Variants in IGIP observed in about 807,000 individuals in gnomAD.
The protein encoded by IGIP is IgA inducing protein, also known as IgA-inducing protein homolog.
In IGIP, 1 loss-of-function variant was observed where a neutral mutation model predicts 3.2. That is an observed-to-expected ratio of 0.32 (90% CI 0.11 to 1.50). IGIP has a LOEUF of 1.50. IGIP is among the 40% of genes most tolerant of loss of function. The pLI is 0.39. For missense variants in IGIP, 64 were observed against 69.0 expected, an observed-to-expected ratio of 0.93 and a Z score of 0.26; for synonymous variants, 20 against 22.7, an observed-to-expected ratio of 0.88 and a Z score of 0.34.
Position 140,126,005 on chromosome 5 carries a change from TTAAGTC to T in IGIP, c.-2468_-2463del, listed in dbSNP as rs1763209316. 1 of 167,060 alleles carries T rather than the reference TTAAGTC, an allele frequency of 6.0e-6. No individual in the cohort carries two copies. Among genetic ancestry groups the T allele is most frequent in the Non-Finnish European group, 1.5e-5 (1 of 68,112 alleles). The allele number at this position is 167,060 out of a possible 1,614,324, so 10.3% of individuals were successfully genotyped here. ...TTAAAAAAAATTGAGAAGCAGCACT[TTAAGTC>T]TAACTCTACACCATTTTATTGCATG... On this transcript the variant is annotated 5_prime_UTR_variant, in exon 1 of 1. Coordinates refer to ENST00000333305, the MANE Select transcript of IGIP (RefSeq NM_001007189.2).
Position 140,128,680 on chromosome 5 carries a change from A to T in IGIP, c.*42A>T. 1 of 1,519,934 alleles carries T rather than the reference A, an allele frequency of 6.6e-7. No individual in the cohort carries two copies. Among genetic ancestry groups the T allele is most frequent in the Non-Finnish European group, 9.0e-7 (1 of 1,114,142 alleles). The allele number at this position is 1,519,934 out of a possible 1,614,324, so 94.2% of individuals were successfully genotyped here. A position where few individuals can be genotyped will look rare whatever the true frequency, so the allele number is the denominator to read the frequency against. On this transcript the variant is annotated 3_prime_UTR_variant, in exon 1 of 1. Transcript: ENST00000333305. ...CTGTACTGCTTATTGAAGTATTGTG[A>T]TTATTTTAGGCATTGATTCTTACAA...
At position 140,129,256 on chromosome 5, in the gene IGIP, C is replaced by T. The variant is rs969893457; in HGVS notation, c.*618C>T. On this transcript the variant is annotated 3_prime_UTR_variant, in exon 1 of 1. Transcript: ENST00000333305. The stretch of plus-strand genomic sequence containing the variant: ...ATGGGGTACATGTAACATTTTGAAA[C>T]AAGCGTACAATGTACTGATTAAATC... The T allele has an allele frequency of 2.0e-5, 3 of 152,166 alleles. No individual in the cohort carries two copies. Among genetic ancestry groups the T allele is most frequent in the African/African-American group, 7.2e-5 (3 of 41,430 alleles). The allele number at this position is 152,166 out of a possible 1,614,324, so 9.4% of individuals were successfully genotyped here. A position where few individuals can be genotyped will look rare whatever the true frequency, so the allele number is the denominator to read the frequency against.
rs964041769 is a variant in IGIP, at chr5:140,126,282, T to C, written c.-2195T>C. 6.0e-6 allele frequency: 1 copy of C among 167,074 alleles called. No individual in the cohort carries two copies. Among genetic ancestry groups the C allele is most frequent in the Non-Finnish European group, 1.5e-5 (1 of 68,106 alleles). The allele number at this position is 167,074 out of a possible 1,614,324, so 10.3% of individuals were successfully genotyped here. A position where few individuals can be genotyped will look rare whatever the true frequency, so the allele number is the denominator to read the frequency against. The stretch of plus-strand genomic sequence containing the variant: ...TATATAGAAGTCATAGCATTCTGTA[T>C]AGGACCAAAAAGGAAATAACATTAA... On this transcript the variant is annotated 5_prime_UTR_variant, in exon 1 of 1. Coordinates refer to ENST00000333305, the MANE Select transcript of IGIP (RefSeq NM_001007189.2).
rs956850238 is a variant in IGIP at position 140,128,258 on chromosome 5, T to C, written c.-219T>C. On this transcript the variant is annotated 5_prime_UTR_variant, in exon 1 of 1. Transcript: ENST00000333305. Reference sequence around the variant, plus strand: ...CTTTAATATCTTTCCAAAATGACTTTGGTTAAATGGACCAGATGTATATTA... The same window carrying C: ...CTTTAATATCTTTCCAAAATGACTTCGGTTAAATGGACCAGATGTATATTA... 15 of 389,566 alleles carry C rather than the reference T, an allele frequency of 3.9e-5. No individual in the cohort carries two copies. Among genetic ancestry groups the C allele is most frequent in the Non-Finnish European group, 7.1e-5 (15 of 211,658 alleles). The allele number at this position is 389,566 out of a possible 1,614,324, so 24.1% of individuals were successfully genotyped here. A position where few individuals can be genotyped will look rare whatever the true frequency, so the allele number is the denominator to read the frequency against.
rs2126754695 is a variant in IGIP, at chr5:140,127,575, C to T, written c.-902C>T. 6.0e-6 allele frequency: 1 copy of T among 167,122 alleles called. No individual in the cohort carries two copies. The highest frequency in any genetic ancestry group is 1.5e-5 in the Non-Finnish European group (1 of 68,100). 10.4% of individuals were successfully genotyped at this position (167,122 alleles called of 1,614,324 possible). A position where few individuals can be genotyped will look rare whatever the true frequency, so the allele number is the denominator to read the frequency against. ...ATTTTCAATGGTTGTGATAGAATTT[C>T]CCCCAGTAGCCATTATTTTAAGATT... On this transcript the variant is annotated 5_prime_UTR_variant, in exon 1 of 1. Transcript: ENST00000333305.
In IGIP at chr5:140,126,556, A is replaced by G. The variant is rs745991067; in HGVS notation, c.-1921A>G. On this transcript the variant is annotated 5_prime_UTR_variant, in exon 1 of 1. An upstream start codon of the reference 5' UTR is lost. Coordinates refer to ENST00000333305, the MANE Select transcript of IGIP (RefSeq NM_001007189.2). ...AATAAGTAAACCAATCACTTGCAAC[A>G]TGAAAAACTGTCCAACTCCTCTAAG... 2 of 167,088 alleles carry G rather than the reference A, an allele frequency of 1.2e-5. No individual in the cohort carries two copies. The highest frequency in any genetic ancestry group is 2.4e-5 in the African/African-American group (1 of 41,454). The allele number at this position is 167,088 out of a possible 1,614,324, so 10.4% of individuals were successfully genotyped here.
chr5:140,128,481 G>A lies in IGIP; in HGVS notation c.5G>A (p.Cys2Tyr), dbSNP rs1763237175. The A allele has an allele frequency of 1.9e-6, 3 of 1,580,228 alleles. No individual in the cohort carries two copies. Among genetic ancestry groups the A allele is most frequent in the Non-Finnish European group, 8.6e-7 (1 of 1,167,788 alleles). M[C>Y]SYYHMKKRSV... ...TTTGAGCATTCTGTATTAAATATGT[G>A]CAGTTATTATCACATGAAGAAACGC... Residue 2 changes from cysteine (C) to tyrosine (Y), a missense_variant, in exon 1 of 1, where the codon TGC (cysteine) becomes TAC (tyrosine). By Grantham distance (194) the Cys-to-Tyr change is radical. Coordinates refer to ENST00000333305, the MANE Select transcript of IGIP (RefSeq NM_001007189.2).
rs1763210780 is a variant in IGIP, at chr5:140,126,196, T to C, written c.-2281T>C. The stretch of plus-strand genomic sequence containing the variant: ...TGGGAAGATTAACCATGTATTGAAC[T>C]ACTGAAAAGTATATATTTTTAGATA... On this transcript the variant is annotated 5_prime_UTR_variant, in exon 1 of 1. Transcript: ENST00000333305. 1 of 167,060 alleles carries C rather than the reference T, an allele frequency of 6.0e-6. No individual in the cohort carries two copies. Among genetic ancestry groups the C allele is most frequent in the Admixed American group, 6.5e-5 (1 of 15,284 alleles). 10.3% of individuals were successfully genotyped at this position (167,060 alleles called of 1,614,324 possible).
In IGIP at chr5:140,126,328, G is replaced by A. The variant is rs1269347901; in HGVS notation, c.-2149G>A. The A allele has an allele frequency of 6.0e-6, 1 of 167,074 alleles. No individual in the cohort carries two copies. Among genetic ancestry groups the A allele is most frequent in the African/African-American group, 2.4e-5 (1 of 41,438 alleles). 10.3% of individuals were successfully genotyped at this position (167,074 alleles called of 1,614,324 possible). ...ATTAAACACTTAAACAGACGTTGTT[G>A]GGTAGAAATACCTTTAGATCTTGCA... On this transcript the variant is annotated 5_prime_UTR_variant, in exon 1 of 1. Coordinates refer to ENST00000333305, the MANE Select transcript of IGIP (RefSeq NM_001007189.2).
chr5:140,128,567 A>G lies in IGIP; in HGVS notation c.91A>G (p.Lys31Glu), dbSNP rs199527880. Residue 31 changes from lysine (K) to glutamate (E), a missense_variant, in exon 1 of 1, where the codon AAA becomes GAA. By Grantham distance (56) the Lys-to-Glu change is moderately conservative. Transcript: ENST00000333305. ...AVMFSHLSAG[K>E]SPCGNQANVL... ...CATGTTCTCCCATCTCAGTGCTGGG[A>G]AATCACCATGTGGAAACCAAGCAAA... 5.9e-5 allele frequency: 95 copies of G among 1,611,248 alleles called. 1 individual carries two copies. The highest frequency in any genetic ancestry group is 7.8e-5 in the Non-Finnish European group (92 of 1,179,260).
chr5:140,128,653 T>C lies in IGIP; in HGVS notation c.*15T>C. On this transcript the variant is annotated 3_prime_UTR_variant, in exon 1 of 1. Transcript: ENST00000333305. ...ATCAAAGCTGAAAACTAGCGAGGTC[T>C]GCTGTACTGCTTATTGAAGTATTGT... 1 of 1,598,720 alleles carries C rather than the reference T, an allele frequency of 6.3e-7. No homozygotes were observed. The highest frequency in any genetic ancestry group is 8.5e-7 in the Non-Finnish European group (1 of 1,172,470).
rs1253224708 is a variant in IGIP at position 140,128,467 on chromosome 5, T to G, written c.-10T>G. ...ATTTAAAAAGTAAATTTGAGCATTCTGTATTAAATATGTGCAGTTATTATC... is the reference window on the plus strand; with the variant it reads ...ATTTAAAAAGTAAATTTGAGCATTCGGTATTAAATATGTGCAGTTATTATC... On this transcript the variant is annotated 5_prime_UTR_variant, in exon 1 of 1. Transcript: ENST00000333305. 6.5e-7 allele frequency: 1 copy of G among 1,543,166 alleles called. No homozygotes were observed. Among genetic ancestry groups the G allele is most frequent in the Non-Finnish European group, 8.7e-7 (1 of 1,149,280 alleles).
chr5:140,126,898 T>G lies in IGIP; in HGVS notation c.-1579T>G, dbSNP rs1238104535. 1 of 167,064 alleles carries G rather than the reference T, an allele frequency of 6.0e-6. No homozygotes were observed. The highest frequency in any genetic ancestry group is 1.5e-5 in the Non-Finnish European group (1 of 68,132). The allele number at this position is 167,064 out of a possible 1,614,324, so 10.3% of individuals were successfully genotyped here. On this transcript the variant is annotated 5_prime_UTR_variant, in exon 1 of 1. Transcript: ENST00000333305. ...CCAGATTCAAGAATTGTATCTGCTT[T>G]CTTGGCAGTCGTCACTGAACTAATG...
chr5:140,128,421 A>T lies in IGIP; in HGVS notation c.-56A>T, dbSNP rs1387605297. The T allele has an allele frequency of 6.9e-7, 1 of 1,442,258 alleles. No homozygotes were observed. The highest frequency in any genetic ancestry group is 2.3e-5 in the Admixed American group (1 of 43,290). 89.3% of individuals were successfully genotyped at this position (1,442,258 alleles called of 1,614,324 possible). A position where few individuals can be genotyped will look rare whatever the true frequency, so the allele number is the denominator to read the frequency against. On this transcript the variant is annotated 5_prime_UTR_variant, in exon 1 of 1. Transcript: ENST00000333305. ...CATTTAAGAATGCTGAATTTTGCCA[A>T]CTAAGAAGTAAGCAAATGCAATTTA...
At position 140,128,181 on chromosome 5, in the gene IGIP, TA is replaced by T. The variant is rs1339559421; in HGVS notation, c.-295del. 1 of 219,638 alleles carries T rather than the reference TA, an allele frequency of 4.6e-6. No individual in the cohort carries two copies. Among genetic ancestry groups the T allele is most frequent in the Non-Finnish European group, 9.7e-6 (1 of 103,236 alleles). 13.6% of individuals were successfully genotyped at this position (219,638 alleles called of 1,614,324 possible). ...ACATTTTAATGACAATTTAAAAATT[TA>T]TCTTCTCTAAAGAATGGTCAAAACA... On this transcript the variant is annotated 5_prime_UTR_variant, in exon 1 of 1. Coordinates refer to ENST00000333305, the MANE Select transcript of IGIP (RefSeq NM_001007189.2).
Position 140,128,418 on chromosome 5 carries a change from C to A in IGIP, c.-59C>A. ...CCCCATTTAAGAATGCTGAATTTTG[C>A]CAACTAAGAAGTAAGCAAATGCAAT... On this transcript the variant is annotated 5_prime_UTR_variant, in exon 1 of 1. Coordinates refer to ENST00000333305, the MANE Select transcript of IGIP (RefSeq NM_001007189.2). 7.1e-7 allele frequency: 1 copy of A among 1,401,680 alleles called. No individual in the cohort carries two copies. Among genetic ancestry groups the A allele is most frequent in the Non-Finnish European group, 9.7e-7 (1 of 1,032,474 alleles). The allele number at this position is 1,401,680 out of a possible 1,614,324, so 86.8% of individuals were successfully genotyped here. A position where few individuals can be genotyped will look rare whatever the true frequency, so the allele number is the denominator to read the frequency against.
chr5:140,125,957 A>G lies in IGIP; in HGVS notation c.-2520A>G, dbSNP rs1448335822. 2.4e-5 allele frequency: 4 copies of G among 166,772 alleles called. No homozygotes were observed. The Admixed American group carries it at 2.6e-4, about 11-fold the overall frequency. The allele number at this position is 166,772 out of a possible 1,614,324, so 10.3% of individuals were successfully genotyped here. ...TGGGGGAAAGATTTTTGAGTCTACAACTGACAAAATGTCTTCTTCAAATTA... is the reference window on the plus strand; with the variant it reads ...TGGGGGAAAGATTTTTGAGTCTACAGCTGACAAAATGTCTTCTTCAAATTA... On this transcript the variant is annotated 5_prime_UTR_variant, in exon 1 of 1. Transcript: ENST00000333305.
At position 140,126,619 on chromosome 5, in the gene IGIP, C is replaced by G. The variant is rs1763217034; in HGVS notation, c.-1858C>G. 6.0e-6 allele frequency: 1 copy of G among 167,204 alleles called. No homozygotes were observed. Among genetic ancestry groups the G allele is most frequent in the Non-Finnish European group, 1.5e-5 (1 of 68,104 alleles). 10.4% of individuals were successfully genotyped at this position (167,204 alleles called of 1,614,324 possible). A position where few individuals can be genotyped will look rare whatever the true frequency, so the allele number is the denominator to read the frequency against. ...TAACCTTGGCTGATGTGGGAAGACT[C>G]CCACTTTGATTACTGACCTGACAGT... is the stretch of plus-strand genomic sequence containing the variant. On this transcript the variant is annotated 5_prime_UTR_variant, in exon 1 of 1. Transcript: ENST00000333305.
rs749156127 is a variant in IGIP at position 140,128,843 on chromosome 5, G to A, written c.*205G>A. On this transcript the variant is annotated 3_prime_UTR_variant, in exon 1 of 1. Transcript: ENST00000333305. ...TCAGTCTTTTGTTTCAGTGCTTTTT[G>A]GGGGAAGGGGTCTGGTTGCGATCTT... 2 of 509,986 alleles carry A rather than the reference G, an allele frequency of 3.9e-6. No individual in the cohort carries two copies. Among genetic ancestry groups the A allele is most frequent in the Admixed American group, 4.5e-5 (1 of 22,374 alleles). The allele number at this position is 509,986 out of a possible 1,614,324, so 31.6% of individuals were successfully genotyped here. A position where few individuals can be genotyped will look rare whatever the true frequency, so the allele number is the denominator to read the frequency against.
Sources: gnomAD v4.1 joint callset for allele counts on GRCh38, gnomAD v4.1.1 for gene constraint, MANE v1.5 for transcripts, NCBI Gene and HGNC (gene_info 2026-07-23, HGNC 2026-07-21) for gene names.